DMD: variants seen among roughly 807,000 people sequenced by gnomAD.
The protein encoded by DMD is mutant dystrophin.
In DMD, 63 loss-of-function variants were observed where a neutral mutation model predicts 330.1. The observed-to-expected ratio is 0.19, with a 90% CI of 0.16 to 0.24. DMD has a LOEUF of 0.24. Ranked by LOEUF, DMD falls within the 10% of genes least tolerant of loss-of-function variation. DMD has a pLI of 1.00. For missense variants in DMD, 3,344 were observed against 2,684.1 expected (o/e 1.25, Z -5.43); for synonymous variants, 1,223 against 959.8 (o/e 1.27, Z -5.07).
chrX:33,009,688 G>A (rs201306694), intron 2 of DMD, among the ~76,000 whole-genome samples: 2,519 of 33,125 alleles, frequency 0.076, 754 homozygotes, highest in African/African-American at 0.28. Flanking sequence ...ATGTGTATAT[G>A]CACATATGTG....
At chrX:31,206,744 C>A (rs1041551824) in intron 65 of DMD, 77 bp from the exon 66 acceptor site, 10 of 846,517 alleles carry the variant, frequency 1.2e-5, no homozygotes, top group Admixed American at 5.0e-5. Context: ...AAGAATAAAG[C>A]CTTGAAAAGG....
At chrX:32,783,732 A>T (rs1329935701) in intron 7 of DMD, among the ~76,000 whole-genome samples, 1 of 111,301 alleles carries the variant, frequency 9.0e-6, no homozygotes, top group Admixed American at 9.6e-5. Context: ...CATAGGTTAT[A>T]TGCAAATATG....
chrX:31,844,582 T>C (rs765105096), intron 48 of DMD, among the ~76,000 whole-genome samples: 2 of 112,091 alleles, frequency 1.8e-5, no homozygotes, highest in African/African-American at 3.2e-5. Flanking sequence ...GCTAGTTTGA[T>C]AGGAATAGCA....
intron 44 of DMD, among the ~76,000 whole-genome samples, chrX:32,046,894 C>T (rs752595106): frequency 9.0e-6 from 1 of 111,265 alleles, no homozygotes; most frequent in East Asian, 2.8e-4. Context: ...AATTATTTTG[C>T]GTAATTCCCT....
chrX:31,684,680 G>A (rs916604844), intron 52 of DMD, among the ~76,000 whole-genome samples: 1 of 112,173 alleles, frequency 8.9e-6, no homozygotes, highest in African/African-American at 3.2e-5. Context: ...ACGTAGTTCT[G>A]CAGTATCCTG....
intron 2 of DMD, among the ~76,000 whole-genome samples, chrX:33,007,950 C>G (rs980012925): frequency 4.5e-5 from 5 of 110,949 alleles, no homozygotes; most frequent in African/African-American, 1.6e-4. Context: ...GCCAGGTAAA[C>G]TAAATCAAAG....
intron 17 of DMD, among the ~76,000 whole-genome samples, chrX:32,537,287 G>A (rs956145765): frequency 1.9e-4 from 21 of 111,571 alleles, no homozygotes; most frequent in African/African-American, 6.5e-4. Flanking sequence ...GAGAGAGGGA[G>A]AGGTAGAAAT....
chrX:32,370,839 G>A (rs963907252), intron 34 of DMD, among the ~76,000 whole-genome samples: 8 of 111,293 alleles, frequency 7.2e-5, no homozygotes, highest in African/African-American at 6.5e-5. Flanking sequence ...TCTTTAAACT[G>A]TGAAATCTTA....
intron 45 of DMD, among the ~76,000 whole-genome samples, chrX:31,956,610 G>A (rs140812374): frequency 6.2e-4 from 70 of 112,093 alleles, no homozygotes; most frequent in African/African-American, 2.0e-3. Context: ...CATGGCCTAC[G>A]GATAATAGGA....
chrX:32,529,379 CTTTTTTTTTTTTTTTTTTTTTTTTT>C (rs777955346), intron 17 of DMD, among the ~76,000 whole-genome samples: 2 of 31,036 alleles, frequency 6.4e-5, no homozygotes, highest in African/African-American at 2.9e-4. Context: ...CAAAAATCAA[CTTTTTTTTTTTTTTTTTTTTTTTTT>C]TTTTTTTTTT....
intron 59 of DMD, among the ~76,000 whole-genome samples, chrX:31,447,147 A>T (rs1477248974): frequency 9.0e-6 from 1 of 110,649 alleles, no homozygotes; most frequent in African/African-American, 3.3e-5. Flanking sequence ...GATGAAGGGG[A>T]TTCAAAAATA....
chrX:32,727,810 T>A (rs2067066165), intron 7 of DMD, among the ~76,000 whole-genome samples: 1 of 108,712 alleles, frequency 9.2e-6, no homozygotes, highest in Non-Finnish European at 1.9e-5. Context: ...TCACTTTTAT[T>A]TACCAAATTA....
chrX:32,561,298 T>G (rs2050973579), intron 16 of DMD, among the ~76,000 whole-genome samples: 1 of 110,905 alleles, frequency 9.0e-6, no homozygotes, highest in African/African-American at 3.3e-5. Flanking sequence ...ATAACCAGTT[T>G]ACAGAGGAAC....
At chrX:31,860,897 T>C (rs1205783879) in intron 48 of DMD, among the ~76,000 whole-genome samples, 1 of 112,297 alleles carries the variant, frequency 8.9e-6, no homozygotes, top group East Asian at 2.8e-4. Flanking sequence ...TGCTACAATT[T>C]GTCATCATGT....
At chrX:31,751,263 T>C (rs1029160359) in intron 51 of DMD, among the ~76,000 whole-genome samples, 2 of 111,415 alleles carry the variant, frequency 1.8e-5, no homozygotes, top group Non-Finnish European at 3.8e-5. Flanking sequence ...AGGATAGCAT[T>C]TGAACTCAGG....
intron 62 of DMD, among the ~76,000 whole-genome samples, chrX:31,312,933 A>G (rs770588391): frequency 1.3e-4 from 14 of 110,419 alleles, no homozygotes; most frequent in African/African-American, 4.6e-4. Flanking sequence ...GAGGGAAACA[A>G]TGCACACCAG....
intron 44 of DMD, among the ~76,000 whole-genome samples, chrX:32,102,748 T>A (rs1157689377): frequency 2.7e-5 from 3 of 111,536 alleles, no homozygotes; most frequent in African/African-American, 9.8e-5. Flanking sequence ...CATGCATTCA[T>A]TGAAATTAAA....
intron 49 of DMD, among the ~76,000 whole-genome samples, chrX:31,833,247 T>A (rs2093095163): frequency 1.0e-5 from 1 of 98,486 alleles, no homozygotes; most frequent in Non-Finnish European, 2.0e-5. Flanking sequence ...TAAATAAAAG[T>A]ATGTGTGTAG....
intron 1 of DMD, among the ~76,000 whole-genome samples, chrX:33,198,399 A>C (rs2051079313): frequency 9.0e-6 from 1 of 111,319 alleles, no homozygotes; most frequent in Non-Finnish European, 1.9e-5. Flanking sequence ...TAAAAAACAA[A>C]ATCAAGAACC....
Sources: allele counts gnomAD v4.1 joint callset (sites outside exome capture counted in the v4.1 genomes callset), GRCh38; gene constraint gnomAD v4.1.1; transcripts MANE v1.5; gene names NCBI Gene and HGNC (gene_info 2026-07-23, HGNC 2026-07-21).